LILRB1: variants seen among roughly 807,000 people sequenced by gnomAD.
The protein encoded by LILRB1 is leukocyte immunoglobulin like receptor B1.
Under a neutral mutation model 74.6 loss-of-function variants are expected in LILRB1, and 59 were observed. The observed-to-expected ratio is 0.79, with a 90% confidence interval of 0.64 to 0.98. The LOEUF (loss-of-function observed/expected upper bound fraction) is 0.98. Among genes scored for constraint, LILRB1 ranks in the 50% least tolerant of loss-of-function variants. The probability of loss-of-function intolerance (pLI) is 0.00; values close to 1 mark genes in which losing one functional copy is unlikely to be tolerated. For missense variants in LILRB1, 804 were observed against 822.6 expected, an observed-to-expected ratio of 0.98 and a Z score of 0.28; for synonymous variants, 328 against 333.9, an observed-to-expected ratio of 0.98 and a Z score of 0.19.
chr19:54,632,676 G>T lies in LILRB1; in HGVS notation c.874G>T (p.Gly292Trp). 1.2e-6 allele frequency: 2 copies of T among 1,613,494 alleles called. No individual in the cohort carries two copies. The highest frequency in any genetic ancestry group is 1.7e-6 in the Non-Finnish European group (2 of 1,179,980). The change falls in exon 6 of 15, where the codon GGG becomes TGG. Residue 292 changes from glycine to tryptophan, a missense_variant. By Grantham distance (184) the Gly-to-Trp change is radical. Transcript: ENST00000324602. ...FTLGPVSRSY[G>W]GQYRCYGAHN... ...CCTGGGCCCTGTGAGCCGCTCCTAC[G>T]GGGGCCAGTACAGATGCTACGGTGC...
chr19:54,616,834 G>T (rs184330057), upstream of LILRB1, among the ~76,000 whole-genome samples: 5 of 152,284 alleles, frequency 3.3e-5, no homozygotes, highest in Admixed American at 2.0e-4. Context: ...GCTCCTCCCA[G>T]CCAAAATGTG....
In LILRB1 at chr19:54,631,968, C is replaced by T; in HGVS notation, c.392C>T (p.Pro131Leu). Residue 131 changes from proline to leucine, a missense_variant, in exon 5 of 15, where the codon CCC becomes CTC. Pro to Leu is a moderately conservative substitution (Grantham distance 98). Coordinates refer to ENST00000324602, the MANE Select transcript of LILRB1 (RefSeq NM_001081637.3). ...AYIKPTLSAQ[P>L]SPVVNSGGNV... is the part of the protein sequence containing the mutation. The stretch of plus-strand genomic sequence containing the variant: ...ATCAAACCCACCCTCTCAGCCCAGC[C>T]CAGCCCCGTGGTGAACTCAGGAGGG... The T allele has an allele frequency of 6.2e-7, 1 of 1,614,160 alleles. No individual in the cohort carries two copies. Among genetic ancestry groups the T allele is most frequent in the Non-Finnish European group, 8.5e-7 (1 of 1,179,972 alleles).
At chr19:54,631,402 T>C in intron 3 of LILRB1, 96 bp downstream of exon 3, 1 of 1,611,978 alleles carries the variant, frequency 6.2e-7, no homozygotes, top group South Asian at 1.1e-5. Context: ...AGTTCTGGGC[T>C]GACTGATGGG....
At position 54,632,005 on chromosome 19, in the gene LILRB1, C is replaced by G; in HGVS notation, c.429C>G (p.Leu143=). 1 of 1,614,172 alleles carries G rather than the reference C, an allele frequency of 6.2e-7. No homozygotes were observed. Among genetic ancestry groups the G allele is most frequent in the Non-Finnish European group, 8.5e-7 (1 of 1,179,946 alleles). ...PVVNSGGNVT[L]QCDSQVAFDG... ...TGAACTCAGGAGGGAATGTAACCCT[C>G]CAGTGTGACTCACAGGTGGCATTTG... Residue 143 remains leucine, a synonymous_variant, in exon 5 of 15, where the codon CTC becomes CTG. Coordinates refer to ENST00000324602, the MANE Select transcript of LILRB1 (RefSeq NM_001081637.3).
chr19:54,633,469 C>A, intron 7 of LILRB1, 151 bp downstream of exon 7: 1 of 1,263,440 alleles, frequency 7.9e-7, no homozygotes, highest in Non-Finnish European at 1.1e-6. Context: ...GAGAACAGGG[C>A]CCTCCCAGGC....
At chr19:54,622,592 G>A (rs770045686) in intron 1 of LILRB1, among the ~76,000 whole-genome samples, 13 of 152,238 alleles carry the variant, frequency 8.5e-5, no homozygotes, top group Non-Finnish European at 1.6e-4. Context: ...AGGGTTTTCT[G>A]GGTATATGAT....
Position 54,631,775 on chromosome 19 carries a change from C to T in LILRB1, c.346C>T (p.Leu116=), listed in dbSNP as rs752087660. The change falls in exon 4 of 15, where the codon CTG becomes TTG. Residue 116 remains leucine (L), a synonymous_variant. Transcript: ENST00000324602. ...CTCAGAGAGCAGTGACCCCCTGGAG[C>T]TGGTGGTGACAGGTGAGCTGACACT... ...GRSESSDPLE[L]VVTGAYIKPT... 1.5e-5 allele frequency: 25 copies of T among 1,614,142 alleles called. No homozygotes were observed. The highest frequency in any genetic ancestry group is 1.7e-5 in the Admixed American group (1 of 60,020).
Position 54,631,528 on chromosome 19 carries a change from T to A in LILRB1, c.99T>A (p.Ala33=), listed in dbSNP as rs2063843294. Residue 33 remains alanine, a synonymous_variant, in exon 4 of 15, where the codon GCT becomes GCA. Transcript: ENST00000324602. ...AGHLPKPTLW[A]EPGSVITQGS... Reference sequence around the variant, plus strand: ...ACCTCCCCAAGCCCACCCTCTGGGCTGAACCAGGCTCTGTGATCACCCAGG... The same window carrying A: ...ACCTCCCCAAGCCCACCCTCTGGGCAGAACCAGGCTCTGTGATCACCCAGG... The A allele has an allele frequency of 6.2e-7, 1 of 1,613,738 alleles. No homozygotes were observed. Among genetic ancestry groups the A allele is most frequent in the Non-Finnish European group, 8.5e-7 (1 of 1,179,824 alleles).
upstream of LILRB1, among the ~76,000 whole-genome samples, chr19:54,629,640 T>C (rs1039012612): frequency 2.3e-4 from 34 of 150,766 alleles, no homozygotes; most frequent in African/African-American, 8.3e-4. Context: ...CAGCCTCAGG[T>C]GTAGCTGGAG....
At chr19:54,635,868 G>A (rs762396302) in intron 13 of LILRB1, 2 of 674,988 alleles carry the variant, frequency 3.0e-6, no homozygotes, top group East Asian at 5.8e-5. Flanking sequence ...CAGGCCTCAG[G>A]AGGATGAGGA....
intron 1 of LILRB1, among the ~76,000 whole-genome samples, chr19:54,619,121 A>G (rs2063388591): frequency 1.3e-5 from 2 of 152,188 alleles, no homozygotes; most frequent in East Asian, 3.8e-4. Flanking sequence ...AAATGGAAAC[A>G]GGAAATAAGA....
At position 54,631,787 on chromosome 19, in the gene LILRB1, G is replaced by T; in HGVS notation, c.358G>T (p.Gly120Ter). 6.2e-7 allele frequency: 1 copy of T among 1,614,020 alleles called. No homozygotes were observed. The highest frequency in any genetic ancestry group is 1.1e-5 in the South Asian group (1 of 91,084). Reference sequence around the variant, plus strand: ...TGACCCCCTGGAGCTGGTGGTGACAGGTGAGCTGACACTCAGGGGTCCCAG... The same window carrying T: ...TGACCCCCTGGAGCTGGTGGTGACATGTGAGCTGACACTCAGGGGTCCCAG... ...SSDPLELVVT[G>*]AYIKPTLSAQ... The change falls in exon 4 of 15, where the codon GGA becomes TGA. Residue 120 changes from glycine (G) to a stop codon, truncating the protein, a stop_gained and splice_region_variant. Transcript: ENST00000324602. LOFTEE classifies it high-confidence loss of function.
rs200419876 is a variant in LILRB1 at position 54,634,669 on chromosome 19, C to T, written c.1392C>T (p.Ile464=). Residue 464 remains isoleucine, a synonymous_variant, in exon 10 of 15, where the codon ATC becomes ATT. Transcript: ENST00000324602. ...TGGGAAGGCACCTGGGGGTTGTGATCGGCATCTTGGTGGCCGTCATCCTAC... is the reference window on the plus strand; with the variant it reads ...TGGGAAGGCACCTGGGGGTTGTGATTGGCATCTTGGTGGCCGTCATCCTAC... ...SGLGRHLGVV[I]GILVAVILLL... 1.6e-4 allele frequency: 255 copies of T among 1,613,872 alleles called. No individual in the cohort carries two copies. The highest frequency in any genetic ancestry group is 2.1e-4 in the Non-Finnish European group (249 of 1,179,884).
At chr19:54,636,152 G>A (rs1343206742) in intron 13 of LILRB1, 1 of 575,154 alleles carries the variant, frequency 1.7e-6, no homozygotes, top group Non-Finnish European at 3.4e-6. Context: ...GGGGAGGGCT[G>A]TCTGCTCAGC....
upstream of LILRB1, among the ~76,000 whole-genome samples, chr19:54,629,722 T>C (rs2063706142): frequency 6.6e-6 from 1 of 152,206 alleles, no homozygotes; most frequent in South Asian, 2.1e-4. Context: ...GTTCCTCTCC[T>C]GGCTCCACTC....
intron 3 of LILRB1, 74 bp from the exon 4 acceptor site, chr19:54,631,426 T>A: frequency 6.2e-7 from 1 of 1,605,976 alleles, no homozygotes; most frequent in Non-Finnish European, 8.5e-7. Context: ...GTCTGGAGGG[T>A]CCTGGGCTGA....
intron 1 of LILRB1, among the ~76,000 whole-genome samples, chr19:54,624,937 T>C (rs2063541489): frequency 7.1e-6 from 1 of 141,586 alleles, no homozygotes; most frequent in Admixed American, 6.9e-5. Flanking sequence ...GGCCTGTCAC[T>C]AGGGAGGGCA....
In LILRB1 at chr19:54,635,233, C is replaced by T. The variant is rs764024078; in HGVS notation, c.1563-26C>T. 8.7e-6 allele frequency: 14 copies of T among 1,612,174 alleles called. No homozygotes were observed. In the African/African-American group the frequency reaches 1.5e-4, roughly 17 times the overall value. ...CACCTGCTCGTGGCCCATACACTGC[C>T]CCTAAAGCTCCCATTCTTCCCCCAG... On this transcript the variant is annotated intron_variant, in intron 11 of 14. Transcript: ENST00000324602.
upstream of LILRB1, chr19:54,630,335 A>T: frequency 3.4e-6 from 1 of 292,470 alleles, no homozygotes; most frequent in Non-Finnish European, 6.9e-6. Flanking sequence ...AGGAGGCAGG[A>T]AAGACTCAGA....
Sources: allele counts gnomAD v4.1 joint callset (sites outside exome capture counted in the v4.1 genomes callset), GRCh38; gene constraint gnomAD v4.1.1; transcripts MANE v1.5; gene names NCBI Gene and HGNC (gene_info 2026-07-23, HGNC 2026-07-21).